Variants in TINAG observed in about 807,000 individuals in gnomAD.
The protein encoded by TINAG is tubulointerstitial nephritis antigen.
A neutral mutation model predicts 72.7 loss-of-function variants in TINAG; 83 were observed. The ratio of observed to expected loss-of-function variants is 1.14; its 90% CI spans 0.96 to 1.37. TINAG has a LOEUF of 1.37. Among genes scored for constraint, TINAG ranks in the 40% most tolerant of loss-of-function variants. The pLI is 0.00. For synonymous variants in TINAG, 234 were observed against 189.9 expected (o/e 1.23, Z -1.91); for missense variants, 685 against 576.6 (o/e 1.19, Z -1.93).
rs182216777 is a variant in TINAG at position 54,388,821 on chromosome 6, A to G, written c.1297-970A>G. 2.0e-3 allele frequency among the ~76,000 whole-genome samples: 304 copies of G among 152,264 alleles called. 2 individuals are homozygous for G. The highest frequency in any genetic ancestry group is 6.9e-3 in the African/African-American group (286 of 41,568). ...CATTTTAGAAAGAGGAATTAAAAAA[A>G]AAACAAAACTAATTCCTGTTGATTT... On this transcript the variant is annotated intron_variant, in intron 10 of 10. Coordinates refer to ENST00000259782, the MANE Select transcript of TINAG (RefSeq NM_014464.4).
chr6:54,335,786 C>G (rs921849028), intron 4 of TINAG, among the ~76,000 whole-genome samples: 10 of 152,202 alleles, frequency 6.6e-5, no homozygotes, highest in African/African-American at 1.9e-4. Flanking sequence ...ACTCCCCTCA[C>G]CGCCCTGCAA....
Position 54,390,060 on chromosome 6 carries a change from T to C in TINAG, c.*135T>C, listed in dbSNP as rs1764205591. On this transcript the variant is annotated 3_prime_UTR_variant, in exon 11 of 11. Coordinates refer to ENST00000259782, the MANE Select transcript of TINAG (RefSeq NM_014464.4). ...ACATAATCTATCTATTTTCTTATTT[T>C]CCCCTCTGGTCTATGCTTCTGCTTC... The C allele has an allele frequency of 8.2e-7, 1 of 1,224,430 alleles. No individual in the cohort carries two copies. Among genetic ancestry groups the C allele is most frequent in the Non-Finnish European group, 1.1e-6 (1 of 889,204 alleles). The allele number at this position is 1,224,430 out of a possible 1,614,324, so 75.8% of individuals were successfully genotyped here.
rs780904282 is a variant in TINAG, at chr6:54,308,718, C to G, written c.168C>G (p.Tyr56Ter). The G allele has an allele frequency of 1.1e-5, 18 of 1,613,808 alleles. No homozygotes were observed. The highest frequency in any genetic ancestry group is 1.3e-5 in the Non-Finnish European group (15 of 1,179,902). The change falls in exon 1 of 11, where the codon TAC (tyrosine) becomes TAG (stop). Residue 56 changes from tyrosine to a stop codon, truncating the protein, a stop_gained. Transcript: ENST00000259782. LOFTEE classifies it high-confidence loss of function. ...AAAGAGCCATTTTCCAAGGGCAATA[C>G]TGTAGAAATTTTGGCTGTTGTGAAG... The part of the protein sequence containing the change: ...RFKRAIFQGQ[Y>*]CRNFGCCEDR...
intron 10 of TINAG, among the ~76,000 whole-genome samples, chr6:54,382,673 A>T (rs931177247): frequency 2.0e-5 from 3 of 152,102 alleles, no homozygotes; most frequent in Non-Finnish European, 4.4e-5. Flanking sequence ...TCATAAATAG[A>T]TCGACAACCA....
Position 54,347,358 on chromosome 6 carries a change from T to G in TINAG, c.749-9T>G. 1 of 1,611,746 alleles carries G rather than the reference T, an allele frequency of 6.2e-7. No homozygotes were observed. The highest frequency in any genetic ancestry group is 8.5e-7 in the Non-Finnish European group (1 of 1,178,866). On this transcript the variant is annotated splice_polypyrimidine_tract_variant and intron_variant, in intron 5 of 10. Coordinates refer to ENST00000259782, the MANE Select transcript of TINAG (RefSeq NM_014464.4). The stretch of plus-strand genomic sequence containing the variant: ...ATTTCAATATTAATTGATATTCTAT[T>G]TGAAACAGGTGTGGCTGCTGACCGA...
chr6:54,333,362 C>T (rs1481794778), intron 4 of TINAG, among the ~76,000 whole-genome samples: 3 of 151,800 alleles, frequency 2.0e-5, no homozygotes, highest in African/African-American at 7.3e-5. Context: ...CAAACTAAGA[C>T]AGGAACAGAA....
chr6:54,383,886 A>T (rs926764064), intron 10 of TINAG, among the ~76,000 whole-genome samples: 1 of 152,142 alleles, frequency 6.6e-6, no homozygotes, highest in Non-Finnish European at 1.5e-5. Flanking sequence ...TCATTCCATT[A>T]TAAAGACACA....
chr6:54,325,404 C>A (rs976751835), intron 3 of TINAG, among the ~76,000 whole-genome samples: 1 of 152,028 alleles, frequency 6.6e-6, no homozygotes, highest in African/African-American at 2.4e-5. Context: ...CTTATGAGTC[C>A]AGGTCAAGAA....
At chr6:54,363,045 TA>T (rs1269852973) in intron 9 of TINAG, among the ~76,000 whole-genome samples, 1 of 151,582 alleles carries the variant, frequency 6.6e-6, no homozygotes, top group East Asian at 1.9e-4. Flanking sequence ...GCTGAGGAAG[TA>T]AAGTCTGAGC....
At chr6:54,369,227 C>A (rs1763531417) in intron 9 of TINAG, among the ~76,000 whole-genome samples, 1 of 151,870 alleles carries the variant, frequency 6.6e-6, no homozygotes, top group Non-Finnish European at 1.5e-5. Flanking sequence ...GTAATTCTCA[C>A]ACGATTTTTA....
At chr6:54,375,165 C>T (rs1763742947) in intron 9 of TINAG, among the ~76,000 whole-genome samples, 1 of 152,108 alleles carries the variant, frequency 6.6e-6, no homozygotes, top group Admixed American at 6.6e-5. Flanking sequence ...TTTAAGGAAT[C>T]CAATCCCTAA....
chr6:54,347,406 G>T lies in TINAG; in HGVS notation c.788G>T (p.Arg263Leu), dbSNP rs75755871. Residue 263 changes from arginine to leucine, a missense_variant, in exon 6 of 11, where the codon CGA becomes CTA. Physicochemically the swap from Arg to Leu is moderately radical, Grantham distance 102. Transcript: ENST00000259782. ...CGAATAGCAATTCAGTCTAAGGGTCGATACACGGCCAATCTATCCCCTCAG... is the reference window on the plus strand; with the variant it reads ...CGAATAGCAATTCAGTCTAAGGGTCTATACACGGCCAATCTATCCCCTCAG... ...ADRIAIQSKG[R>L]YTANLSPQNL... 1 of 1,613,058 alleles carries T rather than the reference G, an allele frequency of 6.2e-7. No individual in the cohort carries two copies. The highest frequency in any genetic ancestry group is 8.5e-7 in the Non-Finnish European group (1 of 1,179,478).
Position 54,330,588 on chromosome 6 carries a change from C to T in TINAG, c.624+3672C>T, listed in dbSNP as rs12190085. On this transcript the variant is annotated intron_variant, in intron 4 of 10. Transcript: ENST00000259782. ...AACAAATTCAAAAGCTAGCAGAAGA[C>T]GAGAAATAACTAAGATCAGAGCAGA... Among the ~76,000 whole-genome samples, 695 of 151,752 alleles carry T rather than the reference C, an allele frequency of 4.6e-3. 1 individual carries two copies. Among genetic ancestry groups the T allele is most frequent in the African/African-American group, 6.7e-3 (276 of 41,352 alleles).
intron 3 of TINAG, among the ~76,000 whole-genome samples, chr6:54,325,000 T>A (rs1784571893): frequency 6.6e-6 from 1 of 152,174 alleles, no homozygotes; most frequent in African/African-American, 2.4e-5. Context: ...TCTCCTAGTT[T>A]AAGCATTTTA....
rs1582729687 is a variant in TINAG at position 54,349,844 on chromosome 6, A to G, written c.1028A>G (p.Glu343Gly). The part of the protein sequence containing the change: ...HATKPCPNNV[E>G]KSNRIYQCSP... ...ACGAAGCCATGTCCCAACAACGTAG[A>G]AAAATCTAACAGGATCTATCAATGT... is the stretch of plus-strand genomic sequence containing the variant. The change falls in exon 7 of 11, where the codon GAA becomes GGA. Residue 343 changes from glutamate to glycine, a missense_variant. Physicochemically the swap from Glu to Gly is moderately conservative, Grantham distance 98 (BLOSUM62 -2). Transcript: ENST00000259782. The G allele has an allele frequency of 6.2e-7, 1 of 1,610,146 alleles. No homozygotes were observed. The highest frequency in any genetic ancestry group is 2.2e-5 in the East Asian group (1 of 44,724).
chr6:54,380,980 G>GAT (rs10639072), intron 10 of TINAG, among the ~76,000 whole-genome samples: 6,746 of 142,212 alleles, frequency 0.047, 322 homozygotes, highest in African/African-American at 0.11. Context: ...TAACCTATAG[G>GAT]ATATATATAT....
chr6:54,365,945 G>A (rs1299779724), intron 9 of TINAG, among the ~76,000 whole-genome samples: 1 of 151,504 alleles, frequency 6.6e-6, no homozygotes, highest in African/African-American at 2.4e-5. Context: ...CAAAAATCTT[G>A]TTTGAGCCTA....
intron 10 of TINAG, among the ~76,000 whole-genome samples, chr6:54,381,846 T>A (rs1019027707): frequency 2.6e-5 from 4 of 152,126 alleles, no homozygotes; most frequent in African/African-American, 9.6e-5. Flanking sequence ...CTTTGATTAA[T>A]GTATTTAACT....
At chr6:54,371,482 A>G (rs1202320722) in intron 9 of TINAG, among the ~76,000 whole-genome samples, 2 of 151,832 alleles carry the variant, frequency 1.3e-5, no homozygotes, top group Non-Finnish European at 2.9e-5. Flanking sequence ...AGAATTAAAA[A>G]AATAGAATTT....
Sources: allele counts gnomAD v4.1 joint callset (sites outside exome capture counted in the v4.1 genomes callset), GRCh38; gene constraint gnomAD v4.1.1; transcripts MANE v1.5; gene names NCBI Gene and HGNC (gene_info 2026-07-23, HGNC 2026-07-21).